The following PCDHAC1 variants were observed in gnomAD, a reference collection of about 807,000 sequenced individuals.
The protein encoded by PCDHAC1 is protocadherin alpha subfamily C, 1.
PCDHAC1 carries 42 observed loss-of-function variants against 60.0 expected under a neutral mutation model. The ratio of observed to expected loss-of-function variants is 0.70; its 90% CI spans 0.55 to 0.90. The LOEUF is 0.90. Among genes scored for constraint, PCDHAC1 ranks in the 40% least tolerant of loss-of-function variants. The probability of loss-of-function intolerance (pLI) is 0.00; values close to 1 mark genes in which losing one functional copy is unlikely to be tolerated. For synonymous variants in PCDHAC1, 468 were observed against 499.3 expected (o/e 0.94, Z 0.84); for missense variants, 1,160 against 1,222.3 (o/e 0.95, Z 0.76).
chr5:140,950,070 A>G (rs2094446713), intron 1 of PCDHAC1, among the ~76,000 whole-genome samples: 1 of 151,890 alleles, frequency 6.6e-6, no homozygotes, highest in Non-Finnish European at 1.5e-5. Flanking sequence ...TTCCTGTGCC[A>G]TTGCTTATGC....
At chr5:140,995,452 G>C (rs1400573812) in intron 3 of PCDHAC1, among the ~76,000 whole-genome samples, 1 of 152,098 alleles carries the variant, frequency 6.6e-6, no homozygotes, top group African/African-American at 2.4e-5. Context: ...CTTATGAATT[G>C]TTTATTTTTG....
chr5:140,946,763 C>T (rs1453017337), intron 1 of PCDHAC1, among the ~76,000 whole-genome samples: 1 of 151,160 alleles, frequency 6.6e-6, no homozygotes, highest in Non-Finnish European at 1.5e-5. Context: ...TGATCTCATT[C>T]ATGTGGAATG....
chr5:140,929,118 A>T lies in PCDHAC1; in HGVS notation c.2226A>T (p.Ile742=). 1.2e-6 allele frequency: 2 copies of T among 1,614,150 alleles called. No homozygotes were observed. The highest frequency in any genetic ancestry group is 1.7e-6 in the Non-Finnish European group (2 of 1,179,994). Residue 742 remains isoleucine, a synonymous_variant, in exon 1 of 4, where the codon ATA becomes ATT. Transcript: ENST00000253807. ...ATCCTTGCATGACATCAGCCACCAT[A>T]GATGTCACTACAGTTGAGAGACTTT... The part of the protein sequence containing the change: ...VSNPCMTSAT[I]DVTTVERLSQ...
chr5:140,951,793 C>G (rs536005204), intron 1 of PCDHAC1, among the ~76,000 whole-genome samples: 1 of 152,126 alleles, frequency 6.6e-6, no homozygotes, highest in African/African-American at 2.4e-5. Flanking sequence ...ATACAATTAT[C>G]CCTTCCCAAT....
intron 3 of PCDHAC1, among the ~76,000 whole-genome samples, chr5:140,989,708 G>T (rs2097355537): frequency 6.6e-6 from 1 of 152,154 alleles, no homozygotes; most frequent in South Asian, 2.1e-4. Context: ...ATCTTCAGAG[G>T]CAGTCAGCTT....
rs544594142 is a variant in PCDHAC1, at chr5:141,011,456, T to C, written c.*1519T>C. On this transcript the variant is annotated 3_prime_UTR_variant, in exon 4 of 4. Transcript: ENST00000253807. Reference sequence around the variant, plus strand: ...TACCTAGAGTGAACTTTAAGCTTTATTGTTGAATGTAATTCCATTATATTT... The same window carrying C: ...TACCTAGAGTGAACTTTAAGCTTTACTGTTGAATGTAATTCCATTATATTT... The C allele has an allele frequency of 1.3e-5, 2 of 153,928 alleles. No homozygotes were observed. The highest frequency in any genetic ancestry group is 6.8e-3 in the Middle Eastern group (2 of 292). 9.5% of individuals were successfully genotyped at this position (153,928 alleles called of 1,614,324 possible).
At chr5:140,971,632 A>G (rs1228797401) in intron 1 of PCDHAC1, among the ~76,000 whole-genome samples, 2 of 152,158 alleles carry the variant, frequency 1.3e-5, no homozygotes, top group Admixed American at 6.5e-5. Context: ...AATTAGTACC[A>G]TGTGCCTACA....
intron 3 of PCDHAC1, among the ~76,000 whole-genome samples, chr5:140,990,953 A>G (rs371951430): frequency 6.6e-6 from 1 of 152,194 alleles, no homozygotes; most frequent in Non-Finnish European, 1.5e-5. Flanking sequence ...GACTGTAGAA[A>G]TAGTCTCTTA....
At chr5:140,997,399 C>T (rs1453624678) in intron 3 of PCDHAC1, among the ~76,000 whole-genome samples, 1 of 152,118 alleles carries the variant, frequency 6.6e-6, no homozygotes, top group Non-Finnish European at 1.5e-5. Flanking sequence ...TAGGCTCTAT[C>T]GTATGGCCTA....
chr5:140,938,455 T>C (rs1317742854), intron 1 of PCDHAC1, among the ~76,000 whole-genome samples: 1 of 152,196 alleles, frequency 6.6e-6, no homozygotes, highest in East Asian at 1.9e-4. Flanking sequence ...TTCCCTTTGT[T>C]TTTTAATTTA....
Position 140,982,555 on chromosome 5 carries a change from C to T in PCDHAC1, c.2573C>T (p.Ala858Val). The change falls in exon 3 of 4, where the codon GCA becomes GTA. Residue 858 changes from alanine (A) to valine (V), a missense_variant. Around this residue, in one of 3 missense-constraint regions of PCDHAC1, gnomAD observed 1,113 missense variants for 1,163.7 expected, o/e 0.96. Transcript: ENST00000253807. Reference sequence around the variant, plus strand: ...CAGCAGTGGCCAACAGTATCCAGTGCAACACCAGGTAAAGAGCTGGGGTCT... The same window carrying T: ...CAGCAGTGGCCAACAGTATCCAGTGTAACACCAGGTAAAGAGCTGGGGTCT... Reference protein sequence around the residue: ...PDQQWPTVSSATPEPEAGEVS... With the variant: ...PDQQWPTVSSVTPEPEAGEVS... The T allele has an allele frequency of 6.2e-7, 1 of 1,614,108 alleles. No homozygotes were observed. The highest frequency in any genetic ancestry group is 8.5e-7 in the Non-Finnish European group (1 of 1,179,990).
intron 3 of PCDHAC1, among the ~76,000 whole-genome samples, chr5:140,996,530 T>C (rs1423892657): frequency 6.6e-6 from 1 of 152,210 alleles, no homozygotes; most frequent in East Asian, 1.9e-4. Flanking sequence ...AGGCCCTGTG[T>C]GTTTTGATAT....
Position 140,928,555 on chromosome 5 carries a change from A to G in PCDHAC1, c.1663A>G (p.Ile555Val). 1 of 1,614,240 alleles carries G rather than the reference A, an allele frequency of 6.2e-7. No homozygotes were observed. The highest frequency in any genetic ancestry group is 8.5e-7 in the Non-Finnish European group (1 of 1,180,038). ...VVDRNDNYPV[I>V]LFPLPRNGSV... The stretch of plus-strand genomic sequence containing the variant: ...AGATAGGAATGACAATTATCCGGTT[A>G]TCTTGTTTCCCTTGCCCAGAAATGG... The change falls in exon 1 of 4, where the codon ATC becomes GTC. Residue 555 changes from isoleucine to valine, a missense_variant. Physicochemically the swap from Ile to Val is conservative, Grantham distance 29 (BLOSUM62 3). Around this residue, in one of 3 missense-constraint regions of PCDHAC1, gnomAD observed 1,113 missense variants for 1,163.7 expected, o/e 0.96. Transcript: ENST00000253807.
chr5:140,952,219 C>T (rs1442706652), intron 1 of PCDHAC1, among the ~76,000 whole-genome samples: 24 of 152,086 alleles, frequency 1.6e-4, no homozygotes, highest in African/African-American at 4.8e-4. Flanking sequence ...CTTTTCCAGG[C>T]ACAGTGTGCA....
intron 3 of PCDHAC1, among the ~76,000 whole-genome samples, chr5:141,009,383 C>T (rs2098407441): frequency 6.6e-6 from 1 of 152,198 alleles, no homozygotes; most frequent in African/African-American, 2.4e-5. Flanking sequence ...TGATTGAGCA[C>T]AGGAGGTCGA....
chr5:140,965,216 A>G (rs2095880887), intron 1 of PCDHAC1, among the ~76,000 whole-genome samples: 1 of 152,224 alleles, frequency 6.6e-6, no homozygotes, highest in Non-Finnish European at 1.5e-5. Context: ...TTCCTGTGGA[A>G]GAAATGTGAG....
rs782591499 is a variant in PCDHAC1, at chr5:140,929,073, T to C, written c.2181T>C (p.Tyr727=). The C allele has an allele frequency of 1.9e-6, 3 of 1,614,200 alleles. No homozygotes were observed. The highest frequency in any genetic ancestry group is 2.5e-6 in the Non-Finnish European group (3 of 1,180,038). ...GTCGCTCTACAGAGGATCTGAGGTA[T>C]GGAAGTAAGATGGTTTCAAATCCTT... ...SCCRSTEDLR[Y]GSKMVSNPCM... is the part of the protein sequence containing the mutation. Residue 727 remains tyrosine (Y), a synonymous_variant, in exon 1 of 4, where the codon TAT becomes TAC. Coordinates refer to ENST00000253807, the MANE Select transcript of PCDHAC1 (RefSeq NM_018898.5).
intron 3 of PCDHAC1, among the ~76,000 whole-genome samples, chr5:141,007,259 G>A (rs2098311634): frequency 6.6e-6 from 1 of 151,998 alleles, no homozygotes; most frequent in Non-Finnish European, 1.5e-5. Flanking sequence ...GTTAAAAGAA[G>A]CAGATACAGG....
chr5:140,973,125 G>A (rs1417014318), intron 1 of PCDHAC1, among the ~76,000 whole-genome samples: 2 of 152,166 alleles, frequency 1.3e-5, no homozygotes, highest in African/African-American at 4.8e-5. Context: ...GATGAATTAA[G>A]TTTGCATTCA....
Sources: gnomAD v4.1 joint callset for allele counts (sites outside exome capture counted in the v4.1 genomes callset) on GRCh38, gnomAD v4.1.1 for gene constraint, gnomAD v4.1.1 regional missense constraint, MANE v1.5 for transcripts, NCBI Gene and HGNC (gene_info 2026-07-23, HGNC 2026-07-21) for gene names.